Variants in FHIP1A observed in about 807,000 individuals in gnomAD.
FHIP1A encodes FHF complex subunit HOOK interacting protein 1A.
A neutral mutation model predicts 88.6 loss-of-function variants in FHIP1A; 61 were observed. The observed-to-expected ratio is 0.69, with a 90% CI of 0.56 to 0.85. FHIP1A has a LOEUF of 0.85. Among genes scored for constraint, FHIP1A ranks in the 40% least tolerant of loss-of-function variants. FHIP1A has a pLI of 0.00. For missense variants in FHIP1A, 1,154 were observed against 1,273.5 expected (o/e 0.91, Z 1.43); for synonymous variants, 478 against 496.0 (o/e 0.96, Z 0.48).
chr4:151,438,330 C>T (rs774071094), intron 1 of FHIP1A, among the ~76,000 whole-genome samples: 27 of 152,072 alleles, frequency 1.8e-4, no homozygotes, highest in Non-Finnish European at 2.6e-4. Flanking sequence ...GTTTCTGGTT[C>T]GGGCACCATG....
intron 1 of FHIP1A, among the ~76,000 whole-genome samples, chr4:151,438,778 A>G (rs1166465108): frequency 1.3e-5 from 2 of 151,892 alleles, no homozygotes; most frequent in Non-Finnish European, 2.9e-5. Flanking sequence ...AGTAGCTGTG[A>G]TTACAAGTAC....
At chr4:151,486,904 G>A (rs561074941) in intron 3 of FHIP1A, among the ~76,000 whole-genome samples, 4 of 151,354 alleles carry the variant, frequency 2.6e-5, no homozygotes, top group African/African-American at 7.3e-5. Flanking sequence ...GGAGGTAGAG[G>A]TTGCAGTGAG....
chr4:151,569,294 C>G (rs1733507471), intron 4 of FHIP1A, among the ~76,000 whole-genome samples: 1 of 152,180 alleles, frequency 6.6e-6, no homozygotes, highest in Non-Finnish European at 1.5e-5. Context: ...TGGCTCACGC[C>G]TGTAATCCCA....
chr4:151,493,963 G>A (rs1730374372), intron 3 of FHIP1A, among the ~76,000 whole-genome samples: 1 of 152,142 alleles, frequency 6.6e-6, no homozygotes, highest in Non-Finnish European at 1.5e-5. Context: ...AGTACTGAAA[G>A]TCTTAACCAG....
Position 151,649,454 on chromosome 4 carries a change from T to C in FHIP1A, c.1418-5T>C, listed in dbSNP as rs565972508. 1.5e-5 allele frequency: 23 copies of C among 1,540,560 alleles called. No homozygotes were observed. In the East Asian group the frequency reaches 5.1e-4, roughly 34 times the overall value. Reference sequence around the variant, plus strand: ...TGTTCTAACCAGCCTCTGCCTCCTGTGCAGGGCCTGTGGAGCGGCCATTCC... The same window carrying C: ...TGTTCTAACCAGCCTCTGCCTCCTGCGCAGGGCCTGTGGAGCGGCCATTCC... On this transcript the variant is annotated splice_region_variant and splice_polypyrimidine_tract_variant and intron_variant, in intron 10 of 13. Coordinates refer to ENST00000435205, the MANE Select transcript of FHIP1A (RefSeq NM_001109977.3).
intron 8 of FHIP1A, among the ~76,000 whole-genome samples, chr4:151,638,315 T>TTGTGTGTGTGAGTGTG: frequency 7.0e-6 from 1 of 143,732 alleles, no homozygotes. Context: ...AAATAGGAGA[T>TTGTGTGTGTGAGTGTG]TGTGTGTGTG....
chr4:151,594,371 T>C (rs1734564690), intron 7 of FHIP1A, among the ~76,000 whole-genome samples: 2 of 152,208 alleles, frequency 1.3e-5, no homozygotes, highest in African/African-American at 4.8e-5. Flanking sequence ...TGTCTGGTCC[T>C]GGGCTTTTTT....
intron 3 of FHIP1A, among the ~76,000 whole-genome samples, chr4:151,530,383 G>C (rs1217465881): frequency 3.9e-5 from 6 of 152,146 alleles, no homozygotes; most frequent in Non-Finnish European, 7.3e-5. Context: ...TATTGGTTGG[G>C]TAACTAGATG....
intron 7 of FHIP1A, among the ~76,000 whole-genome samples, chr4:151,628,438 C>G (rs879369452): frequency 6.6e-6 from 1 of 152,154 alleles, no homozygotes; most frequent in Non-Finnish European, 1.5e-5. Context: ...CAGGGCTCAT[C>G]TACACTTATG....
intron 8 of FHIP1A, among the ~76,000 whole-genome samples, chr4:151,630,798 C>T (rs1036300795): frequency 6.6e-6 from 1 of 152,128 alleles, no homozygotes; most frequent in African/African-American, 2.4e-5. Flanking sequence ...GGATTGAAAT[C>T]ATGCAAAGCA....
chr4:151,444,276 G>C (rs1264049214), intron 1 of FHIP1A, among the ~76,000 whole-genome samples: 1 of 152,100 alleles, frequency 6.6e-6, no homozygotes, highest in African/African-American at 2.4e-5. Flanking sequence ...AGGCGGTCAG[G>C]CATCTTGAAA....
chr4:151,570,385 A>G (rs1188000490), intron 4 of FHIP1A, among the ~76,000 whole-genome samples: 1 of 151,940 alleles, frequency 6.6e-6, no homozygotes, highest in African/African-American at 2.4e-5. Context: ...TCATGCTCCC[A>G]CCCCATGTTC....
intron 13 of FHIP1A, 74 bp from the exon 14 acceptor site, chr4:151,662,427 A>G (rs1263607556): frequency 2.8e-6 from 4 of 1,431,824 alleles, no homozygotes; most frequent in Non-Finnish European, 3.7e-6. Context: ...CTGCCCCCAA[A>G]CACATGCTTC....
chr4:151,511,566 C>T lies in FHIP1A; in HGVS notation c.-123+28918C>T, dbSNP rs150210276. Among the ~76,000 whole-genome samples the T allele has an allele frequency of 9.8e-4, 150 of 152,320 alleles. 1 individual carries two copies. The highest frequency in any genetic ancestry group is 1.2e-3 in the Non-Finnish European group (85 of 68,026). On this transcript the variant is annotated intron_variant, in intron 3 of 13. Coordinates refer to ENST00000435205, the MANE Select transcript of FHIP1A (RefSeq NM_001109977.3). The stretch of plus-strand genomic sequence containing the variant: ...GGGTGACAGACGGCACCTGGAAAAT[C>T]GGGTCACTCCCACCCTAATACTGCG...
At chr4:151,532,133 GT>G (rs572426753) in intron 3 of FHIP1A, among the ~76,000 whole-genome samples, 98 of 152,160 alleles carry the variant, frequency 6.4e-4, no homozygotes, top group African/African-American at 2.3e-3. Context: ...GGTCTATATC[GT>G]TTTTTTGGTT....
rs576426878 is a variant in FHIP1A, at chr4:151,669,329, C to T, written c.*6575C>T. Among the ~76,000 whole-genome samples, 19 of 152,300 alleles carry T rather than the reference C, an allele frequency of 1.2e-4. No individual in the cohort carries two copies. In the South Asian group the frequency reaches 3.9e-3, roughly 32 times the overall value. On this transcript the variant is annotated 3_prime_UTR_variant, in exon 14 of 14. Transcript: ENST00000435205. The stretch of plus-strand genomic sequence containing the variant: ...TCAAGTGCTTTAACAAGGGCATCTT[C>T]CTCTGGGAATAATCAGTCCTTAATA...
chr4:151,583,390 C>A (rs1477949976), intron 5 of FHIP1A, among the ~76,000 whole-genome samples: 1 of 152,192 alleles, frequency 6.6e-6, no homozygotes, highest in African/African-American at 2.4e-5. Context: ...CCGGGAGTAT[C>A]CTTATGCATA....
At chr4:151,443,274 G>A (rs1728473882) in intron 1 of FHIP1A, among the ~76,000 whole-genome samples, 1 of 151,976 alleles carries the variant, frequency 6.6e-6, no homozygotes, top group Non-Finnish European at 1.5e-5. Context: ...CTCCAGCCTG[G>A]GTGACAGAGC....
intron 7 of FHIP1A, among the ~76,000 whole-genome samples, chr4:151,628,573 CA>C (rs1407740570): frequency 6.6e-6 from 1 of 152,072 alleles, no homozygotes; most frequent in Non-Finnish European, 1.5e-5. Context: ...TGACAACTAA[CA>C]CTTTTAAAGG....
Sources: allele counts gnomAD v4.1 joint callset (sites outside exome capture counted in the v4.1 genomes callset), GRCh38; gene constraint gnomAD v4.1.1; transcripts MANE v1.5; gene names NCBI Gene and HGNC (gene_info 2026-07-23, HGNC 2026-07-21).